Variants in EXT1 observed in about 807,000 individuals in gnomAD.
The protein encoded by EXT1 is exostosin glycosyltransferase 1.
EXT1 carries 20 observed loss-of-function variants against 82.5 expected under a neutral mutation model. The ratio of observed to expected loss-of-function variants is 0.24; its 90% CI spans 0.17 to 0.35. EXT1 has a LOEUF of 0.35. Among genes scored for constraint, EXT1 ranks in the 10% least tolerant of loss-of-function variants. EXT1 has a pLI of 1.00. For synonymous variants in EXT1, 348 were observed against 350.8 expected, an observed-to-expected ratio of 0.99 and a Z score of 0.09; for missense variants, 757 against 936.5, an observed-to-expected ratio of 0.81 and a Z score of 2.50.
At chr8:117,802,578 C>T (rs1436487128) in intron 10 of EXT1, among the ~76,000 whole-genome samples, 1 of 152,040 alleles carries the variant, frequency 6.6e-6, no homozygotes, top group African/African-American at 2.4e-5. Flanking sequence ...GTAGGCTGTA[C>T]CATATAGGGC....
rs71303472 is a variant in EXT1 at position 117,858,766 on chromosome 8, AAGGC to A, written c.963-21569_963-21566del. ...GAAGGAAGGAAGGAAGGAAGGAAGG[AAGGC>A]AGGCAGGCAGGCAGGCAGGCAAGGC... On this transcript the variant is annotated intron_variant, in intron 1 of 10. Transcript: ENST00000378204. Among the ~76,000 whole-genome samples the A allele has an allele frequency of 2.4e-3, 129 of 54,498 alleles. 5 individuals are homozygous for A. Among genetic ancestry groups the A allele is most frequent in the East Asian group, 0.019 (29 of 1,526 alleles). 35.8% of individuals were successfully genotyped at this position (54,498 alleles called of 152,430 possible). A position where few individuals can be genotyped will look rare whatever the true frequency, so the allele number is the denominator to read the frequency against.
chr8:117,987,071 G>A (rs1815336803), intron 1 of EXT1, among the ~76,000 whole-genome samples: 1 of 152,150 alleles, frequency 6.6e-6, no homozygotes, highest in Non-Finnish European at 1.5e-5. Flanking sequence ...ACTTGAATTC[G>A]TATTCTCCAA....
At chr8:118,042,600 C>T (rs1284143821) in intron 1 of EXT1, among the ~76,000 whole-genome samples, 1 of 152,134 alleles carries the variant, frequency 6.6e-6, no homozygotes, top group Non-Finnish European at 1.5e-5. Flanking sequence ...CACCTGGCCC[C>T]CACCTTGTTT....
chr8:117,975,541 A>C (rs553634248), intron 1 of EXT1, among the ~76,000 whole-genome samples: 1 of 152,106 alleles, frequency 6.6e-6, no homozygotes, highest in Non-Finnish European at 1.5e-5. Context: ...GTTTCTAGGA[A>C]GCCTTCTCTG....
chr8:117,871,413 G>C (rs527781381), intron 1 of EXT1, among the ~76,000 whole-genome samples: 174 of 152,316 alleles, frequency 1.1e-3, no homozygotes, highest in Non-Finnish European at 1.8e-3. Flanking sequence ...CCTCATCCCC[G>C]TGAGGGGCTT....
chr8:117,897,215 G>A (rs993739251), intron 1 of EXT1, among the ~76,000 whole-genome samples: 2 of 152,212 alleles, frequency 1.3e-5, no homozygotes, highest in Non-Finnish European at 1.5e-5. Flanking sequence ...CCTAGAGCTT[G>A]TAGAAATGAG....
Position 117,862,566 on chromosome 8 carries a change from C to T in EXT1, c.963-25365G>A, listed in dbSNP as rs1175763240. 2.8e-5 allele frequency among the ~76,000 whole-genome samples: 4 copies of T among 145,188 alleles called. 2 individuals are homozygous for T. Among genetic ancestry groups the T allele is most frequent in the Non-Finnish European group, 6.2e-5 (4 of 64,626 alleles). Reference sequence around the variant, plus strand: ...TGAGTCGCTTATTCTTACTGGGGACCAGTGTTTACTGAGTGCTCATTCCAT... The same window carrying T: ...TGAGTCGCTTATTCTTACTGGGGACTAGTGTTTACTGAGTGCTCATTCCAT... On this transcript the variant is annotated intron_variant, in intron 1 of 10. Transcript: ENST00000378204.
chr8:118,019,833 G>A (rs1323308944), intron 1 of EXT1, among the ~76,000 whole-genome samples: 3 of 152,196 alleles, frequency 2.0e-5, no homozygotes, highest in African/African-American at 7.2e-5. Flanking sequence ...TCCAGACTCT[G>A]CCCTCTTAGC....
intron 1 of EXT1, among the ~76,000 whole-genome samples, chr8:117,908,148 GA>G (rs1215770503): frequency 1.3e-5 from 2 of 152,098 alleles, no homozygotes; most frequent in African/African-American, 2.4e-5. Context: ...CTGTGTGCTG[GA>G]AAAAAACTCT....
intron 1 of EXT1, among the ~76,000 whole-genome samples, chr8:118,009,077 T>C (rs1457894365): frequency 2.0e-5 from 3 of 152,114 alleles, no homozygotes; most frequent in East Asian, 3.9e-4. Flanking sequence ...GAAACCAACA[T>C]GGGAAATGAA....
chr8:117,981,691 G>A (rs941344987), intron 1 of EXT1, among the ~76,000 whole-genome samples: 4 of 151,724 alleles, frequency 2.6e-5, no homozygotes, highest in East Asian at 1.9e-4. Context: ...CCAACATGGC[G>A]AAACCCCAGT....
rs2130044150 is a variant in EXT1 at position 118,110,709 on chromosome 8, C to T, written c.338G>A (p.Gly113Asp). 2 of 1,614,168 alleles carry T rather than the reference C, an allele frequency of 1.2e-6. No individual in the cohort carries two copies. The highest frequency in any genetic ancestry group is 2.2e-5 in the East Asian group (1 of 44,878). ...CFDFTLCKKN[G>D]FKVYVYPQQK... ...CTGTGGGTATACGTAGACTTTGAAG[C>T]CGTTTTTCTTGCAAAGGGTGAAATC... The change falls in exon 1 of 11, where the codon GGC becomes GAC. Residue 113 changes from glycine to aspartate, a missense_variant. Around this residue, in one of 4 missense-constraint regions of EXT1, gnomAD observed 175 missense variants for 159.0 expected, o/e 1.10. Transcript: ENST00000378204.
chr8:118,097,369 C>A (rs914968734), intron 1 of EXT1, among the ~76,000 whole-genome samples: 2 of 152,128 alleles, frequency 1.3e-5, no homozygotes, highest in African/African-American at 4.8e-5. Context: ...ATTGCTTGAA[C>A]CTGGGAGGTA....
intron 1 of EXT1, among the ~76,000 whole-genome samples, chr8:117,950,449 T>C (rs1814471449): frequency 6.6e-6 from 1 of 152,192 alleles, no homozygotes; most frequent in Admixed American, 6.5e-5. Context: ...TTACATCAGA[T>C]AATGCCTGCT....
At chr8:117,907,622 T>C (rs1331280416) in intron 1 of EXT1, among the ~76,000 whole-genome samples, 2 of 152,238 alleles carry the variant, frequency 1.3e-5, no homozygotes, top group Admixed American at 1.3e-4. Flanking sequence ...ATTAGGAATA[T>C]GCTCTCACTT....
chr8:117,865,708 T>C (rs571353638), intron 1 of EXT1, among the ~76,000 whole-genome samples: 10 of 152,348 alleles, frequency 6.6e-5, no homozygotes, highest in African/African-American at 2.4e-4. Context: ...TGTCTGGAGA[T>C]GATGGCACTA....
intron 1 of EXT1, among the ~76,000 whole-genome samples, chr8:118,043,076 C>T (rs1816561287): frequency 1.3e-5 from 2 of 152,192 alleles, no homozygotes; most frequent in Admixed American, 1.3e-4. Flanking sequence ...TGTTCCTCTC[C>T]TCTTTCCACT....
intron 1 of EXT1, 99 bp from the exon 2 acceptor site, chr8:117,837,300 C>G: frequency 2.0e-6 from 2 of 988,616 alleles, no homozygotes; most frequent in East Asian, 4.8e-5. Flanking sequence ...TTACGCAAAG[C>G]AACTCGGGAA....
At chr8:117,997,966 G>A (rs889167914) in intron 1 of EXT1, among the ~76,000 whole-genome samples, 5 of 151,634 alleles carry the variant, frequency 3.3e-5, no homozygotes, top group African/African-American at 1.2e-4. Flanking sequence ...TTTGAGAGAG[G>A]AAACCCACTG....
Sources: gnomAD v4.1 joint callset for allele counts (sites outside exome capture counted in the v4.1 genomes callset) on GRCh38, gnomAD v4.1.1 for gene constraint, gnomAD v4.1.1 regional missense constraint, MANE v1.5 for transcripts, NCBI Gene and HGNC (gene_info 2026-07-23, HGNC 2026-07-21) for gene names.